The following EPHA3 variants were observed in gnomAD, a reference collection of about 807,000 sequenced individuals.
The protein encoded by EPHA3 is EPH receptor A3.
EPHA3 carries 42 observed loss-of-function variants against 107.1 expected under a neutral mutation model. The observed-to-expected ratio is 0.39, with a 90% CI of 0.31 to 0.51. The LOEUF (loss-of-function observed/expected upper bound fraction) is 0.51. EPHA3 is among the 20% of genes least tolerant of loss of function. EPHA3 has a pLI of 0.78. For synonymous variants in EPHA3, 461 were observed against 424.8 expected, an observed-to-expected ratio of 1.09 and a Z score of -1.05; for missense variants, 1,183 against 1,211.2, an observed-to-expected ratio of 0.98 and a Z score of 0.35.
intron 3 of EPHA3, among the ~76,000 whole-genome samples, chr3:89,284,940 A>C: frequency 6.6e-6 from 1 of 152,200 alleles, no homozygotes; most frequent in Admixed American, 6.5e-5. Flanking sequence ...CAGCCTGGCC[A>C]ACAGGGTGAA....
At chr3:89,252,808 A>G (rs1705194589) in intron 3 of EPHA3, among the ~76,000 whole-genome samples, 1 of 150,918 alleles carries the variant, frequency 6.6e-6, no homozygotes, top group Non-Finnish European at 1.5e-5. Flanking sequence ...ATTTGCAGGG[A>G]GTTTATTGTT....
intron 3 of EPHA3, among the ~76,000 whole-genome samples, chr3:89,334,809 T>C (rs1410858445): frequency 2.0e-5 from 3 of 152,146 alleles, no homozygotes; most frequent in African/African-American, 7.2e-5. Flanking sequence ...ACCTGATCAG[T>C]AAATCTAAGC....
chr3:89,345,886 G>A (rs915704048), intron 5 of EPHA3, among the ~76,000 whole-genome samples: 1 of 142,172 alleles, frequency 7.0e-6, no homozygotes, highest in Non-Finnish European at 1.5e-5. Flanking sequence ...TTGTTCTTGC[G>A]ATAGTTTACT....
chr3:89,195,046 T>C (rs1374360622), intron 2 of EPHA3, among the ~76,000 whole-genome samples: 1 of 152,116 alleles, frequency 6.6e-6, no homozygotes, highest in Non-Finnish European at 1.5e-5. Context: ...TTTTTTCTTT[T>C]TTAAACATAA....
At chr3:89,207,520 CT>C (rs1301223106) in intron 2 of EPHA3, among the ~76,000 whole-genome samples, 1 of 151,912 alleles carries the variant, frequency 6.6e-6, no homozygotes, top group East Asian at 1.9e-4. Flanking sequence ...ATTTTTTATT[CT>C]TTTTTTAAAC....
chr3:89,232,928 C>T (rs1704671577), intron 3 of EPHA3, among the ~76,000 whole-genome samples: 1 of 152,102 alleles, frequency 6.6e-6, no homozygotes, highest in Non-Finnish European at 1.5e-5. Context: ...TCTTTTCTCC[C>T]TGTACCTGAA....
At chr3:89,362,789 G>A (rs1431410926) in intron 5 of EPHA3, among the ~76,000 whole-genome samples, 3 of 150,886 alleles carry the variant, frequency 2.0e-5, no homozygotes, top group Non-Finnish European at 4.5e-5. Flanking sequence ...AAAATTCACA[G>A]CACAATGAGA....
intron 7 of EPHA3, among the ~76,000 whole-genome samples, chr3:89,405,430 C>T (rs1379770449): frequency 2.0e-5 from 3 of 152,154 alleles, no homozygotes; most frequent in Middle Eastern, 3.2e-3. Flanking sequence ...TGAGCAAGCA[C>T]TCCTGTGACT....
intron 2 of EPHA3, among the ~76,000 whole-genome samples, chr3:89,172,568 C>T (rs917247289): frequency 1.3e-5 from 2 of 152,194 alleles, no homozygotes; most frequent in African/African-American, 4.8e-5. Flanking sequence ...TCCAACTTAA[C>T]CTTTCCATTG....
chr3:89,119,376 A>T (rs984975569), intron 1 of EPHA3, among the ~76,000 whole-genome samples: 20 of 152,144 alleles, frequency 1.3e-4, no homozygotes, highest in Admixed American at 1.2e-3. Context: ...TCAATAAATT[A>T]AAAGTTTTCT....
chr3:89,236,686 C>G (rs1374709403), intron 3 of EPHA3, among the ~76,000 whole-genome samples: 5 of 151,572 alleles, frequency 3.3e-5, no homozygotes, highest in African/African-American at 1.2e-4. Context: ...ACATATGTAA[C>G]TAACCTGCGC....
chr3:89,251,813 G>A (rs1437194245), intron 3 of EPHA3, among the ~76,000 whole-genome samples: 1 of 152,004 alleles, frequency 6.6e-6, no homozygotes, highest in African/African-American at 2.4e-5. Context: ...AAATCAGATT[G>A]ATTAGCATCA....
At chr3:89,206,297 A>C (rs1706102629) in intron 2 of EPHA3, among the ~76,000 whole-genome samples, 1 of 152,210 alleles carries the variant, frequency 6.6e-6, no homozygotes, top group South Asian at 2.1e-4. Flanking sequence ...CATAATTAAA[A>C]TCATATTTTA....
At chr3:89,377,757 T>C (rs1355228267) in intron 5 of EPHA3, among the ~76,000 whole-genome samples, 2 of 152,172 alleles carry the variant, frequency 1.3e-5, no homozygotes, top group East Asian at 3.9e-4. Context: ...TCTTGGCTTA[T>C]TGTTTTTCAA....
In EPHA3 at chr3:89,357,106, C is replaced by CAAAAAA. The variant is rs56717904; in HGVS notation, c.1306+15041_1306+15046dup. ...CTGGTGAAAGAGTGAGACCCTGTCT[C>CAAAAAA]AAAAAAAAAAAAAAAAAAAAAAAAA... On this transcript the variant is annotated intron_variant, in intron 5 of 16. Transcript: ENST00000336596. Among the ~76,000 whole-genome samples the CAAAAAA allele has an allele frequency of 9.4e-4, 15 of 15,998 alleles. 2 individuals carry two copies. The highest frequency in any genetic ancestry group is 1.5e-3 in the African/African-American group (7 of 4,708). The allele number at this position is 15,998 out of a possible 152,430, so 10.5% of individuals were successfully genotyped here. A position where few individuals can be genotyped will look rare whatever the true frequency, so the allele number is the denominator to read the frequency against.
chr3:89,307,848 AG>A (rs1170748604), intron 3 of EPHA3, among the ~76,000 whole-genome samples: 1 of 152,136 alleles, frequency 6.6e-6, no homozygotes, highest in Non-Finnish European at 1.5e-5. Context: ...TCACTGTTCC[AG>A]GCCTAGATCA....
intron 3 of EPHA3, among the ~76,000 whole-genome samples, chr3:89,227,581 G>A (rs1427347469): frequency 6.6e-6 from 1 of 151,916 alleles, no homozygotes; most frequent in Non-Finnish European, 1.5e-5. Context: ...TGGAATGTGG[G>A]GCAAAATTTC....
At chr3:89,447,958 AC>A (rs1479960755) in intron 13 of EPHA3, among the ~76,000 whole-genome samples, 1 of 152,204 alleles carries the variant, frequency 6.6e-6, no homozygotes, top group Non-Finnish European at 1.5e-5. Context: ...ATTTTGACGA[AC>A]ACGGCTTAAG....
intron 3 of EPHA3, among the ~76,000 whole-genome samples, chr3:89,244,147 A>G (rs951848649): frequency 3.3e-5 from 5 of 152,134 alleles, no homozygotes; most frequent in African/African-American, 4.8e-5. Flanking sequence ...TGATACACAA[A>G]CTGTAATTCT....
Sources: allele counts gnomAD v4.1 joint callset (sites outside exome capture counted in the v4.1 genomes callset), GRCh38; gene constraint gnomAD v4.1.1; transcripts MANE v1.5; gene names NCBI Gene and HGNC (gene_info 2026-07-23, HGNC 2026-07-21).